ITGA5: variants seen among roughly 807,000 people sequenced by gnomAD.
ITGA5 encodes the protein integrin alpha-5.
ITGA5 carries 55 observed loss-of-function variants against 146.3 expected under a neutral mutation model. The observed-to-expected ratio is 0.38, with a 90% CI of 0.30 to 0.47. ITGA5 has a LOEUF of 0.47. ITGA5 is among the 20% of genes least tolerant of loss of function. The pLI is 0.99. For synonymous variants in ITGA5, 500 were observed against 531.8 expected (o/e 0.94, Z 0.82); for missense variants, 1,131 against 1,329.0 (o/e 0.85, Z 2.32).
In ITGA5 at chr12:54,404,877, G is replaced by C. The variant is rs991567246; in HGVS notation, c.1243C>G (p.Pro415Ala). The change falls in exon 13 of 30, where the codon CCC (proline) becomes GCC (alanine). Residue 415 changes from proline (P) to alanine (A), a missense_variant. Pro to Ala is a conservative substitution (Grantham distance 27, BLOSUM62 -1). Coordinates refer to ENST00000293379, the MANE Select transcript of ITGA5 (RefSeq NM_002205.5). ...CCCTGCTGGGTCTCCCCACCAAAGGGAGCCCCGATGGCCACATCTGGAAGA... is the reference window on the plus strand; with the variant it reads ...CCCTGCTGGGTCTCCCCACCAAAGGCAGCCCCGATGGCCACATCTGGAAGA... ...DGYNDVAIGA[P>A]FGGETQQGVV... is the part of the protein sequence containing the mutation. 6.3e-7 allele frequency: 1 copy of C among 1,584,596 alleles called. No homozygotes were observed. The highest frequency in any genetic ancestry group is 1.2e-5 in the South Asian group (1 of 86,342).
intron 28 of ITGA5, 37 bp from the exon 29 acceptor site, chr12:54,397,524 G>A: frequency 6.2e-7 from 1 of 1,612,150 alleles, no homozygotes; most frequent in Non-Finnish European, 8.5e-7. Flanking sequence ...TGAAAGCTCA[G>A]AAGTTCTTTC....
Position 54,411,934 on chromosome 12 carries a change from AGCCTTGGGTG to A in ITGA5, c.239_248del (p.Ala80ValfsTer87). 1 of 1,603,082 alleles carries A rather than the reference AGCCTTGGGTG, an allele frequency of 6.2e-7. No homozygotes were observed. The highest frequency in any genetic ancestry group is 8.5e-7 in the Non-Finnish European group (1 of 1,174,408). ...GCAGCACTCCTGGCTGGCTGGTATT[AGCCTTGGGTG>A]CTCCCACCAGCACACTGACCCTGTG... On this transcript the variant is annotated frameshift_variant, in exon 2 of 30. Coordinates refer to ENST00000293379, the MANE Select transcript of ITGA5 (RefSeq NM_002205.5). LOFTEE classifies it high-confidence loss of function.
chr12:54,402,715 A>G (rs1251618350), intron 19 of ITGA5, among the ~76,000 whole-genome samples: 5 of 151,644 alleles, frequency 3.3e-5, no homozygotes, highest in Admixed American at 1.3e-4. Flanking sequence ...AAAAAAAAAG[A>G]GTAATAATAA....
At position 54,403,843 on chromosome 12, in the gene ITGA5, T is replaced by TGTCCCCAG; in HGVS notation, c.1621+60_1622-65dup. The TGTCCCCAG allele has an allele frequency of 6.2e-7, 1 of 1,609,786 alleles. No homozygotes were observed. Among genetic ancestry groups the TGTCCCCAG allele is most frequent in the East Asian group, 2.2e-5 (1 of 44,740 alleles). On this transcript the variant is annotated intron_variant, in intron 16 of 29. Coordinates refer to ENST00000293379, the MANE Select transcript of ITGA5 (RefSeq NM_002205.5). This position sits in a 1 kb window ranked among gnomAD's most constrained non-coding sequence, Gnocchi z 4.9. ...TCCTCATCTTTTCAGAGAGAAGAAA[T>TGTCCCCAG]GTCCCCAGGTCCCCAGTCCCTTCAT... is the stretch of plus-strand genomic sequence containing the variant.
intron 2 of ITGA5, 67 bp downstream of exon 2, chr12:54,411,767 C>G (rs569312065): frequency 2.2e-6 from 3 of 1,370,976 alleles, no homozygotes; most frequent in Non-Finnish European, 2.9e-6. Flanking sequence ...GCCCCAGGCC[C>G]CACCCAGGCC....
At chr12:54,408,677 T>C (rs1592290313) in intron 6 of ITGA5, 79 bp downstream of exon 6, 19 of 1,336,534 alleles carry the variant, frequency 1.4e-5, no homozygotes, top group Non-Finnish European at 1.9e-5. Flanking sequence ...GCCACTGCAC[T>C]CCAGCCTGGG....
Position 54,409,035 on chromosome 12 carries a change from T to A in ITGA5, c.584-81A>T. ...AGAAGAGAGGGCATAGGGAAGGAGG[T>A]GGGAGAGAGAACCAGAGAAAGGGCC... On this transcript the variant is annotated intron_variant, in intron 4 of 29. Transcript: ENST00000293379. This position sits in a 1 kb window ranked among gnomAD's most constrained non-coding sequence, Gnocchi z 4.7. The A allele has an allele frequency of 6.8e-7, 1 of 1,479,676 alleles. No homozygotes were observed. The highest frequency in any genetic ancestry group is 9.4e-7 in the Non-Finnish European group (1 of 1,065,058). The allele number at this position is 1,479,676 out of a possible 1,614,324, so 91.7% of individuals were successfully genotyped here.
chr12:54,398,073 T>C (rs1048331205), intron 28 of ITGA5, among the ~76,000 whole-genome samples: 2 of 152,120 alleles, frequency 1.3e-5, no homozygotes, highest in Non-Finnish European at 2.9e-5. Context: ...AATTTTTGTA[T>C]TTTTTGTAGA....
In ITGA5 at chr12:54,406,031, C is replaced by T. The variant is rs532928015; in HGVS notation, c.907-105G>A. 9.6e-4 allele frequency: 938 copies of T among 972,426 alleles called. 1 individual carries two copies. The highest frequency in any genetic ancestry group is 1.4e-3 in the Non-Finnish European group (860 of 607,444). 60.2% of individuals were successfully genotyped at this position (972,426 alleles called of 1,614,324 possible). ...CCCAGGGGCAGGCATTCCTTAGAGA[C>T]GCAGACCACTGTCCCTAGCTCCCTC... On this transcript the variant is annotated intron_variant, in intron 9 of 29. Coordinates refer to ENST00000293379, the MANE Select transcript of ITGA5 (RefSeq NM_002205.5).
In ITGA5 at chr12:54,409,391, C is replaced by T. The variant is rs1955912050; in HGVS notation, c.463-39G>A. 2.5e-6 allele frequency: 4 copies of T among 1,608,120 alleles called. No individual in the cohort carries two copies. The highest frequency in any genetic ancestry group is 3.4e-6 in the Non-Finnish European group (4 of 1,177,348). ...GGAGGAGGGGCCTTCAGATTCAGTC[C>T]AATAAGGCCCTTCCTCCCTCCCTCC... On this transcript the variant is annotated intron_variant, in intron 3 of 29. Coordinates refer to ENST00000293379, the MANE Select transcript of ITGA5 (RefSeq NM_002205.5). The surrounding 1 kb of genome is among the most constrained non-coding windows in gnomAD (Gnocchi z 4.7).
intron 29 of ITGA5, chr12:54,397,147 C>G (rs903019639): frequency 7.0e-6 from 3 of 426,160 alleles, no homozygotes; most frequent in Non-Finnish European, 1.3e-5. Flanking sequence ...TATAGGCAAA[C>G]TTATCATCTT....
At chr12:54,400,654 A>C in intron 25 of ITGA5, 192 bp downstream of exon 25, 1 of 559,692 alleles carries the variant, frequency 1.8e-6, no homozygotes, top group East Asian at 3.1e-5. Flanking sequence ...GTTCAGGCAG[A>C]AAGAAACACA....
At position 54,403,804 on chromosome 12, in the gene ITGA5, A is replaced by C; in HGVS notation, c.1622-25T>G. 6.2e-7 allele frequency: 1 copy of C among 1,612,272 alleles called. No individual in the cohort carries two copies. Among genetic ancestry groups the C allele is most frequent in the African/African-American group, 1.3e-5 (1 of 75,004 alleles). Reference sequence around the variant, plus strand: ...CCTGAAGCCAGGGACATATAAAGGGAAACTGCCTGTCTTTCCTCATCTTTT... The same window carrying C: ...CCTGAAGCCAGGGACATATAAAGGGCAACTGCCTGTCTTTCCTCATCTTTT... On this transcript the variant is annotated intron_variant, in intron 16 of 29. Coordinates refer to ENST00000293379, the MANE Select transcript of ITGA5 (RefSeq NM_002205.5). The surrounding 1 kb of genome is among the most constrained non-coding windows in gnomAD (Gnocchi z 4.9).
chr12:54,417,887 T>G (rs1370962340), intron 1 of ITGA5, among the ~76,000 whole-genome samples: 5 of 152,128 alleles, frequency 3.3e-5, no homozygotes, highest in Non-Finnish European at 5.9e-5. Context: ...CATCCCACAT[T>G]TAAACAGACA....
intron 7 of ITGA5, 84 bp downstream of exon 7, chr12:54,408,026 A>T: frequency 6.4e-7 from 1 of 1,568,796 alleles, no homozygotes; most frequent in Non-Finnish European, 8.7e-7. Context: ...ATGCCTGAGT[A>T]GGAGAGGGGA....
chr12:54,405,770 G>A, intron 10 of ITGA5, 54 bp from the exon 11 acceptor site: 7 of 1,604,940 alleles, frequency 4.4e-6, no homozygotes, highest in Non-Finnish European at 5.1e-6. Context: ...TCAATCCACA[G>A]GATCAAGAGG....
chr12:54,413,356 T>C lies in ITGA5; in HGVS notation c.219-1392A>G, dbSNP rs145984143. The C allele has an allele frequency of 4.9e-3, 728 of 148,866 alleles. 3 individuals carry two copies. Among genetic ancestry groups the C allele is most frequent in the Non-Finnish European group, 8.7e-3 (591 of 67,608 alleles). 9.2% of individuals were successfully genotyped at this position (148,866 alleles called of 1,614,324 possible). On this transcript the variant is annotated intron_variant, in intron 1 of 29. Transcript: ENST00000293379. ...GGTCTGTGAGGGCCAGTGGTGAGAA[T>C]GGAGGGGAGAGAAGGCAGGGTCCAG... is the stretch of plus-strand genomic sequence containing the variant.
chr12:54,397,132 G>A, intron 29 of ITGA5: 1 of 383,032 alleles, frequency 2.6e-6, no homozygotes, highest in Non-Finnish European at 4.8e-6. Context: ...CAATGATTTT[G>A]CAAGTATAGG....
At position 54,404,256 on chromosome 12, in the gene ITGA5, G is replaced by T. The variant is rs773980668; in HGVS notation, c.1464-10C>A. The stretch of plus-strand genomic sequence containing the variant: ...CACGATGGGGCGGCCCCTGCCAAGA[G>T]TGAATGTGGGGTCAATAGAATTAGG... On this transcript the variant is annotated splice_polypyrimidine_tract_variant and intron_variant, in intron 14 of 29. Transcript: ENST00000293379. The T allele has an allele frequency of 6.3e-7, 1 of 1,597,166 alleles. No homozygotes were observed. Among genetic ancestry groups the T allele is most frequent in the African/African-American group, 1.3e-5 (1 of 74,448 alleles).
Sources: gnomAD v4.1 joint callset for allele counts (sites outside exome capture counted in the v4.1 genomes callset) on GRCh38, gnomAD v4.1.1 for gene constraint, Gnocchi (gnomAD v3.1) non-coding constraint, MANE v1.5 for transcripts, NCBI Gene and HGNC (gene_info 2026-07-23, HGNC 2026-07-21) for gene names.